Variants in AGBL1 observed in about 807,000 individuals in gnomAD.
AGBL1 encodes the protein AGBL carboxypeptidase 1, also known as cytosolic carboxypeptidase 4.
Under a neutral mutation model 118.9 loss-of-function variants are expected in AGBL1, and 130 were observed. That is an observed-to-expected ratio of 1.09 (90% confidence interval 0.95 to 1.26). The LOEUF (loss-of-function observed/expected upper bound fraction) is 1.26. Ranked by LOEUF, AGBL1 falls within the 50% of genes most tolerant of loss-of-function variation. The pLI, the probability that AGBL1 is intolerant of heterozygous loss-of-function variation, is 0.00. For missense variants in AGBL1, 1,584 were observed against 1,298.1 expected, an observed-to-expected ratio of 1.22 and a Z score of -3.38; for synonymous variants, 555 against 478.9, an observed-to-expected ratio of 1.16 and a Z score of -2.08.
downstream of AGBL1, among the ~76,000 whole-genome samples, chr15:86,916,858 G>A (rs1302150504): frequency 1.3e-5 from 2 of 152,216 alleles, no homozygotes; most frequent in South Asian, 2.1e-4. Context: ...TGCAGGGACC[G>A]AGGCCAGGCC....
intron 22 of AGBL1, among the ~76,000 whole-genome samples, chr15:86,861,447 A>G (rs1221326640): frequency 1.3e-5 from 2 of 152,204 alleles, no homozygotes; most frequent in African/African-American, 4.8e-5. Context: ...TCCCTATTCT[A>G]TTAATATGTT....
intron 22 of AGBL1, among the ~76,000 whole-genome samples, chr15:86,750,881 A>G (rs1451118337): frequency 1.3e-5 from 2 of 151,994 alleles, no homozygotes; most frequent in East Asian, 1.9e-4. Flanking sequence ...ATAAGCAAGG[A>G]CATGTGATAT....
chr15:86,701,654 C>A (rs1209701979), intron 22 of AGBL1, among the ~76,000 whole-genome samples: 1 of 146,526 alleles, frequency 6.8e-6, no homozygotes, highest in Non-Finnish European at 1.5e-5. Flanking sequence ...CCTCCCCTCC[C>A]CTCTCCATTT....
intron 24 of AGBL1, among the ~76,000 whole-genome samples, chr15:87,007,715 A>G (rs2081519170): frequency 6.6e-6 from 1 of 152,210 alleles, no homozygotes; most frequent in Admixed American, 6.5e-5. Flanking sequence ...TCAGTTAGAT[A>G]TGTAAGTGAA....
intron 21 of AGBL1, among the ~76,000 whole-genome samples, chr15:86,668,160 C>T (rs1267723207): frequency 6.6e-6 from 1 of 152,196 alleles, no homozygotes; most frequent in African/African-American, 2.4e-5. Context: ...AACCAAACAC[C>T]TCCCACCAGA....
At chr15:86,995,363 G>A (rs563343649) in intron 24 of AGBL1, among the ~76,000 whole-genome samples, 18 of 152,296 alleles carry the variant, frequency 1.2e-4, no homozygotes, top group Admixed American at 2.6e-4. Flanking sequence ...TCCAGGGTGA[G>A]TGACAGAGCG....
rs148101988 is a variant in AGBL1 at position 86,345,185 on chromosome 15, C to A, written c.2374+49777C>A. On this transcript the variant is annotated intron_variant, in intron 17 of 22. Transcript: ENST00000614907. ...TCTTATTTTACCTGCAGGAAACATG[C>A]GTTTAGGAGAGAGAGAGAACATTTA... Among the ~76,000 whole-genome samples the A allele has an allele frequency of 1.5e-4, 22 of 151,464 alleles. No homozygotes were observed. In the East Asian group the frequency reaches 2.9e-3, roughly 20 times the overall value.
intron 5 of AGBL1, among the ~76,000 whole-genome samples, chr15:86,198,080 G>T (rs1013516043): frequency 2.0e-5 from 3 of 152,130 alleles, no homozygotes; most frequent in African/African-American, 7.2e-5. Context: ...AGAGTCATGG[G>T]GGTGACAGAG....
rs1428880745 is a variant in AGBL1 at position 86,569,007 on chromosome 15, A to T, written c.2994+14470A>T. Among the ~76,000 whole-genome samples the T allele has an allele frequency of 8.6e-5, 13 of 151,770 alleles. No individual in the cohort carries two copies. The East Asian group carries it at 2.3e-3, about 27-fold the overall frequency. On this transcript the variant is annotated intron_variant, in intron 21 of 22. Coordinates refer to ENST00000614907, the MANE Select transcript of AGBL1 (RefSeq NM_001386094.1). ...ATGCCAACATTTTAATGTTACATAAACTGTTTTTTTTTTTCACTCCCATAT... is the reference window on the plus strand; with the variant it reads ...ATGCCAACATTTTAATGTTACATAATCTGTTTTTTTTTTTCACTCCCATAT...
At position 86,914,748 on chromosome 15, in the gene AGBL1, C is replaced by T. The variant is rs1596628835; in HGVS notation, c.*7454C>T. ...CACAACCTTAACTCAGGCAATCGGACTCTTAAACTTGCTCTCCAAGGAAAA... is the reference window on the plus strand; with the variant it reads ...CACAACCTTAACTCAGGCAATCGGATTCTTAAACTTGCTCTCCAAGGAAAA... On this transcript the variant is annotated 3_prime_UTR_variant, in exon 23 of 23. Coordinates refer to ENST00000614907, the MANE Select transcript of AGBL1 (RefSeq NM_001386094.1). 1 of 152,158 alleles carries T rather than the reference C, an allele frequency of 6.6e-6. No homozygotes were observed. The allele number at this position is 152,158 out of a possible 1,614,324, so 9.4% of individuals were successfully genotyped here.
intron 24 of AGBL1, among the ~76,000 whole-genome samples, chr15:87,015,837 C>T (rs1338537511): frequency 6.6e-6 from 1 of 152,006 alleles, no homozygotes; most frequent in East Asian, 1.9e-4. Flanking sequence ...GGGAAAAATG[C>T]CCTCATGGGC....
chr15:86,841,495 C>T (rs531036313), intron 22 of AGBL1, among the ~76,000 whole-genome samples: 139 of 152,268 alleles, frequency 9.1e-4, no homozygotes, highest in Non-Finnish European at 1.6e-3. Context: ...TACTTTTAAT[C>T]AATCTGTCTT....
chr15:86,902,150 C>T (rs987704496), intron 22 of AGBL1, among the ~76,000 whole-genome samples: 10 of 152,044 alleles, frequency 6.6e-5, no homozygotes, highest in African/African-American at 2.2e-4. Context: ...ATTGTGGCAT[C>T]GTTTTACAAA....
intron 1 of AGBL1, among the ~76,000 whole-genome samples, chr15:86,100,589 G>T (rs549286212): frequency 6.6e-6 from 1 of 151,978 alleles, no homozygotes; most frequent in East Asian, 1.9e-4. Context: ...GTTCAATCTT[G>T]GTAAGTTGTA....
chr15:86,238,525 A>G (rs2078590781), intron 6 of AGBL1, among the ~76,000 whole-genome samples: 1 of 152,202 alleles, frequency 6.6e-6, no homozygotes, highest in African/African-American at 2.4e-5. Context: ...AGAATTTTCA[A>G]ACTAGCAATA....
intron 5 of AGBL1, among the ~76,000 whole-genome samples, chr15:86,193,033 A>C (rs1374634633): frequency 1.3e-5 from 2 of 152,212 alleles, no homozygotes; most frequent in African/African-American, 2.4e-5. Context: ...ATATTAAAAA[A>C]AGTATTTTTT....
chr15:86,154,450 G>A lies in AGBL1; in HGVS notation c.283G>A (p.Ala95Thr), dbSNP rs765745164. 1.9e-6 allele frequency: 3 copies of A among 1,612,504 alleles called. No homozygotes were observed. The highest frequency in any genetic ancestry group is 2.5e-6 in the Non-Finnish European group (3 of 1,179,298). The part of the protein sequence containing the change: ...GLRDKKIGRK[A>T]LELEALDVTL... Reference sequence around the variant, plus strand: ...CTTAGATAAAAAGATTGGACGGAAGGCCCTAGAATTGGAAGCACTTGATGT... The same window carrying A: ...CTTAGATAAAAAGATTGGACGGAAGACCCTAGAATTGGAAGCACTTGATGT... Residue 95 changes from alanine to threonine, a missense_variant, in exon 4 of 23, where the codon GCC becomes ACC. Ala to Thr is a moderately conservative substitution (Grantham distance 58). Coordinates refer to ENST00000614907, the MANE Select transcript of AGBL1 (RefSeq NM_001386094.1).
At chr15:86,555,274 A>G (rs1174182074) in intron 21 of AGBL1, among the ~76,000 whole-genome samples, 1 of 152,160 alleles carries the variant, frequency 6.6e-6, no homozygotes. Flanking sequence ...AAGCTGACAG[A>G]CTGCTCCTCG....
At chr15:86,335,478 G>A (rs2080351969) in intron 17 of AGBL1, among the ~76,000 whole-genome samples, 1 of 152,150 alleles carries the variant, frequency 6.6e-6, no homozygotes, top group East Asian at 1.9e-4. Context: ...AGAGCATAGA[G>A]AGTAGGAAGA....
Sources: allele counts gnomAD v4.1 joint callset (sites outside exome capture counted in the v4.1 genomes callset), GRCh38; gene constraint gnomAD v4.1.1; transcripts MANE v1.5; gene names NCBI Gene and HGNC (gene_info 2026-07-23, HGNC 2026-07-21).